Variants in ADAMTS15 observed in about 807,000 individuals in gnomAD.
The protein encoded by ADAMTS15 is A disintegrin and metalloproteinase with thrombospondin motifs 15.
ADAMTS15 carries 35 observed loss-of-function variants against 79.1 expected under a neutral mutation model. That is an observed-to-expected ratio of 0.44 (90% CI 0.34 to 0.59). The LOEUF is 0.59. ADAMTS15 is among the 20% of genes least tolerant of loss of function. The pLI is 0.02. For synonymous variants in ADAMTS15, 616 were observed against 567.3 expected, an observed-to-expected ratio of 1.09 and a Z score of -1.22; for missense variants, 1,324 against 1,318.7, an observed-to-expected ratio of 1.00 and a Z score of -0.06.
In ADAMTS15 at chr11:130,449,026, G is replaced by C; in HGVS notation, c.53G>C (p.Gly18Ala). The C allele has an allele frequency of 6.6e-7, 1 of 1,519,472 alleles. No homozygotes were observed. The highest frequency in any genetic ancestry group is 1.3e-5 in the South Asian group (1 of 74,834). 94.1% of individuals were successfully genotyped at this position (1,519,472 alleles called of 1,614,324 possible). A position where few individuals can be genotyped will look rare whatever the true frequency, so the allele number is the denominator to read the frequency against. The change falls in exon 1 of 8, where the codon GGC becomes GCC. Residue 18 changes from glycine (G) to alanine (A), a missense_variant. Gly to Ala is a moderately conservative substitution (Grantham distance 60, BLOSUM62 0). Transcript: ENST00000299164. This position sits in a 1 kb window ranked among gnomAD's most constrained non-coding sequence, Gnocchi z 7.8. ...GCTTTCGCCGGGCGAACCGCTGGAG[G>C]CTCTGAGCCAGAGCGGGAGGTAGTC... ...TLAFAGRTAG[G>A]SEPEREVVVP... is the part of the protein sequence containing the mutation.
intron 4 of ADAMTS15, among the ~76,000 whole-genome samples, chr11:130,468,939 C>CAAAAAAAAAAAA (rs911391031): frequency 1.1e-4 from 3 of 27,848 alleles, no homozygotes; most frequent in African/African-American, 3.0e-4. Flanking sequence ...TCCACCTCAA[C>CAAAAAAAAAAAA]AAAAAAAAAA....
chr11:130,451,966 C>T (rs763212116), intron 1 of ADAMTS15, among the ~76,000 whole-genome samples: 1 of 152,146 alleles, frequency 6.6e-6, no homozygotes, highest in Admixed American at 6.5e-5. Flanking sequence ...CCTTAGGTGC[C>T]TAGAGAGCAA....
At chr11:130,453,054 A>G (rs1937997350) in intron 1 of ADAMTS15, among the ~76,000 whole-genome samples, 2 of 152,030 alleles carry the variant, frequency 1.3e-5, no homozygotes, top group South Asian at 4.2e-4. Flanking sequence ...ACAAGACAAC[A>G]GCTAATTTCA....
At position 130,471,218 on chromosome 11, in the gene ADAMTS15, G is replaced by C; in HGVS notation, c.1913G>C (p.Gly638Ala). The C allele has an allele frequency of 6.3e-7, 1 of 1,597,774 alleles. No homozygotes were observed. Among genetic ancestry groups the C allele is most frequent in the Non-Finnish European group, 8.5e-7 (1 of 1,171,618 alleles). Residue 638 changes from glycine to alanine, a missense_variant, in exon 7 of 8, where the codon GGC becomes GCC. Coordinates refer to ENST00000299164, the MANE Select transcript of ADAMTS15 (RefSeq NM_139055.4). Reference sequence around the variant, plus strand: ...TCTGGGGTGCTGCAGGTGGTGGACGGCACGCTGTGCTCTCCTGACTCCACC... The same window carrying C: ...TCTGGGGTGCTGCAGGTGGTGGACGCCACGCTGTGCTCTCCTGACTCCACC... Reference protein sequence around the residue: ...FYVLAPKVVDGTLCSPDSTSV... With the variant: ...FYVLAPKVVDATLCSPDSTSV...
In ADAMTS15 at chr11:130,457,992, A is replaced by T. The variant is rs140456286; in HGVS notation, c.958-3497A>T. On this transcript the variant is annotated intron_variant, in intron 1 of 7. Coordinates refer to ENST00000299164, the MANE Select transcript of ADAMTS15 (RefSeq NM_139055.4). ...GCTCTTTCCTTGTTCCTCTCATTTGATCCAGGGAAACCGGGACTTCTTGAT... is the reference window on the plus strand; with the variant it reads ...GCTCTTTCCTTGTTCCTCTCATTTGTTCCAGGGAAACCGGGACTTCTTGAT... Among the ~76,000 whole-genome samples the T allele has an allele frequency of 3.8e-4, 58 of 151,930 alleles. No homozygotes were observed. The East Asian group carries it at 9.1e-3, about 24-fold the overall frequency.
At chr11:130,456,414 C>A (rs1938081271) in intron 1 of ADAMTS15, among the ~76,000 whole-genome samples, 1 of 152,108 alleles carries the variant, frequency 6.6e-6, no homozygotes, top group Non-Finnish European at 1.5e-5. Context: ...GATTTATATG[C>A]CAGTGAAATA....
Position 130,470,954 on chromosome 11 carries a change from G to A in ADAMTS15, c.1755G>A (p.Glu585=), listed in dbSNP as rs1376803203. The A allele has an allele frequency of 6.2e-7, 1 of 1,613,884 alleles. No individual in the cohort carries two copies. The highest frequency in any genetic ancestry group is 1.1e-5 in the South Asian group (1 of 91,078). ...AGAGCTTCCGGGAGGAGCAGTGTGA[G>A]GCTTTCAACGGCTACAACCACAGCA... ...SGKSFREEQC[E]AFNGYNHSTN... is the part of the protein sequence containing the mutation. Residue 585 remains glutamate, a synonymous_variant, in exon 6 of 8, where the codon GAG becomes GAA. Transcript: ENST00000299164.
intron 4 of ADAMTS15, among the ~76,000 whole-genome samples, chr11:130,467,239 G>T (rs2134732993): frequency 6.6e-6 from 1 of 152,292 alleles, no homozygotes; most frequent in Admixed American, 6.5e-5. Context: ...CACTCTTTCA[G>T]TCTTCTGATG....
At chr11:130,453,622 T>G (rs1938013617) in intron 1 of ADAMTS15, among the ~76,000 whole-genome samples, 1 of 152,100 alleles carries the variant, frequency 6.6e-6, no homozygotes, top group Non-Finnish European at 1.5e-5. Context: ...AGACAGGGTC[T>G]CACTATGTTA....
At position 130,449,462 on chromosome 11, in the gene ADAMTS15, G is replaced by T. The variant is rs906378366; in HGVS notation, c.489G>T (p.Pro163=). ...ACCTTCTCCAGCGCCGGGGTGTTCC[G>T]GGCGGGCCTTCCGGAGACCCCACCT... ...GAHLLQRRGV[P]GGPSGDPTSR... is the part of the protein sequence containing the mutation. The change falls in exon 1 of 8, where the codon CCG becomes CCT. Residue 163 remains proline, a synonymous_variant. Transcript: ENST00000299164. This position sits in a 1 kb window ranked among gnomAD's most constrained non-coding sequence, Gnocchi z 7.8. 6.4e-7 allele frequency: 1 copy of T among 1,573,536 alleles called. No individual in the cohort carries two copies. The highest frequency in any genetic ancestry group is 1.7e-5 in the Admixed American group (1 of 57,782).
In ADAMTS15 at chr11:130,462,660, C is replaced by T. The variant is rs1190756859; in HGVS notation, c.1422C>T (p.Ala474=). The change falls in exon 4 of 8, where the codon GCC becomes GCT. Residue 474 remains alanine (A), a synonymous_variant. Coordinates refer to ENST00000299164, the MANE Select transcript of ADAMTS15 (RefSeq NM_139055.4). The surrounding 1 kb of genome is among the most constrained non-coding windows in gnomAD (Gnocchi z 4.3). ...CCAAGCTGTGGTGCACCGGGAAGGC[C>T]AAGGGACAGATGGTGTGCCAGACCC... The part of the protein sequence containing the change: ...YCTKLWCTGK[A]KGQMVCQTRH... The T allele has an allele frequency of 1.2e-6, 2 of 1,613,646 alleles. No individual in the cohort carries two copies. The highest frequency in any genetic ancestry group is 1.7e-6 in the Non-Finnish European group (2 of 1,179,742).
intron 4 of ADAMTS15, among the ~76,000 whole-genome samples, chr11:130,463,636 A>G (rs775642697): frequency 2.6e-5 from 4 of 152,232 alleles, no homozygotes; most frequent in Non-Finnish European, 4.4e-5. Context: ...AATTGCCCTG[A>G]GATGAGTATG....
At position 130,449,987 on chromosome 11, in the gene ADAMTS15, C is replaced by G. The variant is rs867712595; in HGVS notation, c.957+57C>G. ...ATAGTCCCGTTCTTTAGGGTCACCTCCCCTAGCGCTCCAAATCCCCTTTGT... is the reference window on the plus strand; with the variant it reads ...ATAGTCCCGTTCTTTAGGGTCACCTGCCCTAGCGCTCCAAATCCCCTTTGT... On this transcript the variant is annotated intron_variant, in intron 1 of 7. Transcript: ENST00000299164. This position sits in a 1 kb window ranked among gnomAD's most constrained non-coding sequence, Gnocchi z 7.8. 6.4e-7 allele frequency: 1 copy of G among 1,567,184 alleles called. No homozygotes were observed. Among genetic ancestry groups the G allele is most frequent in the Non-Finnish European group, 8.6e-7 (1 of 1,160,886 alleles).
At chr11:130,470,147 T>TAC (rs1211204434) in intron 5 of ADAMTS15, among the ~76,000 whole-genome samples, 1 of 61,696 alleles carries the variant, frequency 1.6e-5, no homozygotes, top group Non-Finnish European at 3.0e-5. Context: ...TATATATATA[T>TAC]ATATGTGTAT....
intron 1 of ADAMTS15, among the ~76,000 whole-genome samples, chr11:130,454,525 C>T (rs1443156925): frequency 6.6e-6 from 1 of 152,228 alleles, no homozygotes; most frequent in Non-Finnish European, 1.5e-5. Context: ...ACATATCTCC[C>T]TATACAATAG....
In ADAMTS15 at chr11:130,454,935, G is replaced by A. The variant is rs528053841; in HGVS notation, c.957+5005G>A. 4.6e-5 allele frequency among the ~76,000 whole-genome samples: 7 copies of A among 152,044 alleles called. No individual in the cohort carries two copies. In the South Asian group the frequency reaches 1.0e-3, roughly 23 times the overall value. ...TTTGAACTTCTCTGTAGTTGTTTGCGTCCCCTCCCACCCCTGGAATTTTCC... is the reference window on the plus strand; with the variant it reads ...TTTGAACTTCTCTGTAGTTGTTTGCATCCCCTCCCACCCCTGGAATTTTCC... On this transcript the variant is annotated intron_variant, in intron 1 of 7. Transcript: ENST00000299164.
At chr11:130,469,976 T>C (rs1050799115) in intron 5 of ADAMTS15, among the ~76,000 whole-genome samples, 3 of 151,208 alleles carry the variant, frequency 2.0e-5, no homozygotes, top group African/African-American at 7.3e-5. Context: ...ACTACAATAG[T>C]AGTAGAAGTA....
Position 130,471,264 on chromosome 11 carries a change from G to A in ADAMTS15, c.1959G>A (p.Lys653=). 6.2e-7 allele frequency: 1 copy of A among 1,612,860 alleles called. No individual in the cohort carries two copies. Among genetic ancestry groups the A allele is most frequent in the Non-Finnish European group, 8.5e-7 (1 of 1,179,668 alleles). ...PDSTSVCVQG[K]CIKAGCDGNL... ...CCACCTCCGTCTGTGTCCAAGGCAA[G>A]TGCATCAAGGCTGGCTGTGATGGGA... is the stretch of plus-strand genomic sequence containing the variant. The change falls in exon 7 of 8, where the codon AAG becomes AAA. Residue 653 remains lysine, a synonymous_variant. Transcript: ENST00000299164.
rs1592153713 is a variant in ADAMTS15 at position 130,476,158 on chromosome 11, A to C, written c.*2337A>C. On this transcript the variant is annotated 3_prime_UTR_variant, in exon 8 of 8. Coordinates refer to ENST00000299164, the MANE Select transcript of ADAMTS15 (RefSeq NM_139055.4). The stretch of plus-strand genomic sequence containing the variant: ...CCAACCATGCTCTCGAGGGCTGAGC[A>C]GAGACTAGACTCAAGGCACAGGTTT... 6.6e-6 allele frequency: 1 copy of C among 152,186 alleles called. No homozygotes were observed. Among genetic ancestry groups the C allele is most frequent in the East Asian group, 1.9e-4 (1 of 5,190 alleles). 9.4% of individuals were successfully genotyped at this position (152,186 alleles called of 1,614,324 possible). A position where few individuals can be genotyped will look rare whatever the true frequency, so the allele number is the denominator to read the frequency against.
Sources: allele counts gnomAD v4.1 joint callset (sites outside exome capture counted in the v4.1 genomes callset), GRCh38; gene constraint gnomAD v4.1.1; non-coding constraint Gnocchi (gnomAD v3.1); transcripts MANE v1.5; gene names NCBI Gene and HGNC (gene_info 2026-07-23, HGNC 2026-07-21).